AKT3: variants seen among roughly 807,000 people sequenced by gnomAD.
The protein encoded by AKT3 is RAC-gamma serine/threonine-protein kinase.
AKT3 carries 15 observed loss-of-function variants against 65.3 expected under a neutral mutation model. The observed-to-expected ratio is 0.23, with a 90% CI of 0.15 to 0.35. AKT3 has a LOEUF of 0.35. Among genes scored for constraint, AKT3 ranks in the 10% least tolerant of loss-of-function variants. The pLI, the probability that AKT3 is intolerant of heterozygous loss-of-function variation, is 1.00. For missense variants in AKT3, 243 were observed against 576.5 expected (o/e 0.42, Z 5.92); for synonymous variants, 206 against 183.8 (o/e 1.12, Z -0.98).
At chr1:243,489,957 C>T (rs116541918) in intron 13 of AKT3, among the ~76,000 whole-genome samples, 1 of 152,140 alleles carries the variant, frequency 6.6e-6, no homozygotes, top group Non-Finnish European at 1.5e-5. Flanking sequence ...CATTTTGCCC[C>T]GTCAAGCAGT....
chr1:243,710,499 G>C (rs1686075549), intron 2 of AKT3, among the ~76,000 whole-genome samples: 1 of 152,106 alleles, frequency 6.6e-6, no homozygotes, highest in African/African-American at 2.4e-5. Context: ...AACCAAAATA[G>C]AAGTTCTTAG....
intron 2 of AKT3, among the ~76,000 whole-genome samples, chr1:243,833,076 A>G (rs1694641090): frequency 6.6e-6 from 1 of 152,122 alleles, no homozygotes; most frequent in African/African-American, 2.4e-5. Flanking sequence ...CCTGGCCAAC[A>G]TGGTGAAACC....
At position 243,771,179 on chromosome 1, in the gene AKT3, T is replaced by C. The variant is rs531975459; in HGVS notation, c.46+71946A>G. 3.9e-5 allele frequency among the ~76,000 whole-genome samples: 6 copies of C among 152,334 alleles called. No homozygotes were observed. In the East Asian group the frequency reaches 9.6e-4, roughly 24 times the overall value. ...CCTCAGTTGAAACTACAACCTCTTC[T>C]CTGAATCTTTCCCAGAGTCCCTCAA... On this transcript the variant is annotated intron_variant, in intron 2 of 13. Coordinates refer to ENST00000673466, the MANE Select transcript of AKT3 (RefSeq NM_005465.7).
chr1:243,642,309 T>G, intron 5 of AKT3, among the ~76,000 whole-genome samples: 1 of 151,898 alleles, frequency 6.6e-6, no homozygotes, highest in East Asian at 1.9e-4. Context: ...GTCCTTTTTT[T>G]TGTTTGTTTG....
chr1:243,645,773 C>T (rs1443389763), intron 5 of AKT3, 120 bp downstream of exon 5: 3 of 982,572 alleles, frequency 3.1e-6, no homozygotes, highest in Non-Finnish European at 4.4e-6. Flanking sequence ...TGAATAAGAC[C>T]CACCAATATA....
intron 2 of AKT3, among the ~76,000 whole-genome samples, chr1:243,754,580 G>A (rs1689007085): frequency 1.3e-5 from 2 of 152,140 alleles, no homozygotes; most frequent in South Asian, 2.1e-4. Flanking sequence ...GCAGGTGAGC[G>A]AGCATTACCA....
intron 12 of AKT3, among the ~76,000 whole-genome samples, chr1:243,515,327 C>T (rs1295201454): frequency 6.6e-6 from 1 of 151,302 alleles, no homozygotes; most frequent in Non-Finnish European, 1.5e-5. Flanking sequence ...ATGGCTGGGC[C>T]GTATGGTAGG....
intron 8 of AKT3, among the ~76,000 whole-genome samples, chr1:243,574,611 A>G (rs1286045527): frequency 6.6e-6 from 1 of 152,184 alleles, no homozygotes; most frequent in Non-Finnish European, 1.5e-5. Context: ...GTGAAAAATC[A>G]AGTCATTTAT....
chr1:243,599,864 A>C (rs1433245142), intron 8 of AKT3, among the ~76,000 whole-genome samples: 2 of 152,108 alleles, frequency 1.3e-5, no homozygotes, highest in African/African-American at 4.8e-5. Flanking sequence ...ACATATTAGA[A>C]AATAGCAGTA....
chr1:243,841,530 A>T (rs115687769), intron 2 of AKT3, among the ~76,000 whole-genome samples: 2,718 of 152,308 alleles, frequency 0.018, 69 homozygotes, highest in African/African-American at 0.062. Flanking sequence ...CGTAATTTAT[A>T]ACAGGAGAAT....
chr1:243,552,172 C>T (rs1028462612), intron 11 of AKT3, among the ~76,000 whole-genome samples: 3 of 150,816 alleles, frequency 2.0e-5, no homozygotes, highest in African/African-American at 7.3e-5. Flanking sequence ...GCCTGTAGTC[C>T]CAGCCACTCG....
chr1:243,646,591 G>A (rs1196013064), intron 4 of AKT3, among the ~76,000 whole-genome samples: 2 of 152,092 alleles, frequency 1.3e-5, no homozygotes, highest in East Asian at 1.9e-4. Flanking sequence ...CTGACCTCAA[G>A]TGATCCATCC....
chr1:243,817,745 A>G (rs1693616908), intron 2 of AKT3, among the ~76,000 whole-genome samples: 1 of 152,256 alleles, frequency 6.6e-6, no homozygotes, highest in Non-Finnish European at 1.5e-5. Flanking sequence ...TCTCAAATAA[A>G]TAAATAAGCA....
At chr1:243,702,224 C>T (rs1572196862) in intron 2 of AKT3, among the ~76,000 whole-genome samples, 1 of 151,290 alleles carries the variant, frequency 6.6e-6, no homozygotes, top group African/African-American at 2.4e-5. Context: ...ACAAAAGGTA[C>T]AACAAATTGT....
chr1:243,642,993 T>C (rs1375840821), intron 5 of AKT3, among the ~76,000 whole-genome samples: 4 of 152,196 alleles, frequency 2.6e-5, no homozygotes, highest in Non-Finnish European at 5.9e-5. Flanking sequence ...AAAAGAGCTC[T>C]GACGAAGTTC....
intron 3 of AKT3, among the ~76,000 whole-genome samples, chr1:243,689,944 T>TA (rs1201719855): frequency 2.6e-5 from 4 of 151,602 alleles, no homozygotes; most frequent in African/African-American, 9.7e-5. Flanking sequence ...GATCTTGTCT[T>TA]AAAAAACAAA....
chr1:243,670,507 T>C (rs1683085728), intron 3 of AKT3, among the ~76,000 whole-genome samples: 1 of 152,194 alleles, frequency 6.6e-6, no homozygotes, highest in Admixed American at 6.5e-5. Context: ...TAGAAGAATA[T>C]TTGCCTTTTG....
intron 2 of AKT3, among the ~76,000 whole-genome samples, chr1:243,755,022 A>G (rs927281945): frequency 3.3e-5 from 5 of 152,182 alleles, no homozygotes; most frequent in African/African-American, 1.2e-4. Context: ...GAAATCATCA[A>G]TAAATATTTG....
intron 7 of AKT3, among the ~76,000 whole-genome samples, chr1:243,614,349 T>C (rs1388159854): frequency 6.6e-6 from 1 of 152,210 alleles, no homozygotes; most frequent in East Asian, 1.9e-4. Context: ...ATTTCAGATA[T>C]TCCAAACAGT....
Sources: gnomAD v4.1 joint callset for allele counts (sites outside exome capture counted in the v4.1 genomes callset) on GRCh38, gnomAD v4.1.1 for gene constraint, MANE v1.5 for transcripts, NCBI Gene and HGNC (gene_info 2026-07-23, HGNC 2026-07-21) for gene names.